Variants in CAPZA1 observed in about 807,000 individuals in gnomAD.
CAPZA1 encodes capping actin protein of muscle Z-line subunit alpha 1.
In CAPZA1, 10 loss-of-function variants were observed where a neutral mutation model predicts 40.8. The observed-to-expected ratio is 0.25, with a 90% CI of 0.15 to 0.42. The LOEUF (loss-of-function observed/expected upper bound fraction) is 0.42. CAPZA1 is among the 10% of genes least tolerant of loss of function. The probability of loss-of-function intolerance (pLI) is 1.00; values close to 1 mark genes in which losing one functional copy is unlikely to be tolerated. For missense variants in CAPZA1, 277 were observed against 353.8 expected (o/e 0.78, Z 1.74); for synonymous variants, 98 against 115.0 (o/e 0.85, Z 0.95).
In CAPZA1 at chr1:112,623,783, C is replaced by T. The variant is rs574415770; in HGVS notation, c.39+3900C>T. 4.2e-3 allele frequency among the ~76,000 whole-genome samples: 629 copies of T among 151,032 alleles called. 3 individuals are homozygous for T. The highest frequency in any genetic ancestry group is 0.015 in the African/African-American group (603 of 41,226). ...CGGGTGGATCACGAGGTCAGGAGAT[C>T]GAGACCTGACCTCAGGAGATCGAGA... On this transcript the variant is annotated intron_variant, in intron 1 of 9. Transcript: ENST00000263168.
At chr1:112,625,818 C>G (rs570494367) in intron 1 of CAPZA1, 3 of 152,208 alleles carry the variant, frequency 2.0e-5, no homozygotes, top group South Asian at 4.1e-4. Flanking sequence ...TTAAGTAAAC[C>G]TCTTTTTAGA....
chr1:112,635,413 C>G (rs898552866), intron 1 of CAPZA1, among the ~76,000 whole-genome samples: 2 of 152,182 alleles, frequency 1.3e-5, no homozygotes, highest in African/African-American at 4.8e-5. Context: ...CTGACCAGGC[C>G]TTTGCTGATA....
At chr1:112,633,074 A>T (rs1250815063) in intron 1 of CAPZA1, among the ~76,000 whole-genome samples, 2 of 152,204 alleles carry the variant, frequency 1.3e-5, no homozygotes, top group Admixed American at 6.5e-5. Context: ...GAATTTTAAG[A>T]AACACAGATA....
intron 1 of CAPZA1, among the ~76,000 whole-genome samples, chr1:112,643,875 C>CTTTTTTTTTTTTTTTTTTTTTGAG (rs1557731528): frequency 6.6e-6 from 1 of 152,044 alleles, no homozygotes; most frequent in African/African-American, 2.4e-5. Flanking sequence ...GAGACAGTCT[C>CTTTTTTTTTTTTTTTTTTTTTGAG]ACTCTGTCGC....
intron 1 of CAPZA1, among the ~76,000 whole-genome samples, chr1:112,640,155 C>G (rs545477553): frequency 3.0e-4 from 37 of 121,630 alleles, no homozygotes; most frequent in South Asian, 2.8e-3. Flanking sequence ...ATCAGCCCCC[C>G]ACCCGGCCAG....
At chr1:112,650,311 G>T (rs1557733867) in intron 3 of CAPZA1, among the ~76,000 whole-genome samples, 1 of 152,152 alleles carries the variant, frequency 6.6e-6, no homozygotes, top group Non-Finnish European at 1.5e-5. Context: ...ACAATAATCT[G>T]CCCTGTCCAT....
chr1:112,624,995 T>C (rs1196733381), intron 1 of CAPZA1, among the ~76,000 whole-genome samples: 5 of 152,214 alleles, frequency 3.3e-5, no homozygotes, highest in Non-Finnish European at 4.4e-5. Context: ...AAGCACACAG[T>C]GTATGCACAG....
intron 1 of CAPZA1, among the ~76,000 whole-genome samples, chr1:112,642,889 G>A (rs539763465): frequency 7.2e-5 from 11 of 152,266 alleles, no homozygotes; most frequent in African/African-American, 2.6e-4. Context: ...TATATAAGTA[G>A]TATGTAAAAT....
chr1:112,648,537 C>T (rs1671327437), intron 2 of CAPZA1, among the ~76,000 whole-genome samples: 1 of 151,330 alleles, frequency 6.6e-6, no homozygotes, highest in African/African-American at 2.4e-5. Flanking sequence ...AGGATGGTCT[C>T]GATCTCTTGA....
At chr1:112,649,593 AT>A in intron 3 of CAPZA1, 124 bp downstream of exon 3, 1 of 785,420 alleles carries the variant, frequency 1.3e-6, no homozygotes, top group Non-Finnish European at 2.1e-6. Context: ...GGTTTTAGCA[AT>A]TTTCGTTGTT....
intron 7 of CAPZA1, among the ~76,000 whole-genome samples, chr1:112,663,711 G>A (rs1213043213): frequency 6.6e-6 from 1 of 151,642 alleles, no homozygotes; most frequent in Admixed American, 6.6e-5. Flanking sequence ...CACCATGTTG[G>A]TCAGGCTGGT....
chr1:112,628,789 A>G (rs1162281708), intron 1 of CAPZA1, among the ~76,000 whole-genome samples: 3 of 152,204 alleles, frequency 2.0e-5, no homozygotes, highest in Non-Finnish European at 4.4e-5. Context: ...TTAGTTGCTC[A>G]GGTCAAAAAC....
intron 1 of CAPZA1, among the ~76,000 whole-genome samples, chr1:112,636,425 G>T (rs1453850934): frequency 6.6e-6 from 1 of 151,986 alleles, no homozygotes; most frequent in Non-Finnish European, 1.5e-5. Flanking sequence ...TTTAGGTTAG[G>T]AACAAAATAT....
At chr1:112,661,391 C>G (rs1332992846) in intron 7 of CAPZA1, among the ~76,000 whole-genome samples, 1 of 152,112 alleles carries the variant, frequency 6.6e-6, no homozygotes, top group South Asian at 2.1e-4. Context: ...AGCCCAATAC[C>G]CACAGCTGTA....
intron 1 of CAPZA1, among the ~76,000 whole-genome samples, chr1:112,641,982 A>T (rs547869324): frequency 2.3e-4 from 22 of 96,440 alleles, no homozygotes; most frequent in African/African-American, 5.4e-4. Context: ...TTTGTTGTTT[A>T]AAAAAAAACC....
At position 112,621,270 on chromosome 1, in the gene CAPZA1, TTACAA is replaced by T. The variant is rs1380172537; in HGVS notation, c.39+1393_39+1397del. 2.0e-5 allele frequency among the ~76,000 whole-genome samples: 3 copies of T among 148,376 alleles called. No individual in the cohort carries two copies. In the Admixed American group the frequency reaches 2.1e-4, roughly 10 times the overall value. On this transcript the variant is annotated intron_variant, in intron 1 of 9. Transcript: ENST00000263168. ...CAAATAAAATTAAGCAAAAATCCTGTTACAATACAACTAAACAATTTTTTTTTTTT... is the reference window on the plus strand; with the variant it reads ...CAAATAAAATTAAGCAAAAATCCTGTTACAACTAAACAATTTTTTTTTTTT...
chr1:112,657,316 C>A (rs1361386787), intron 5 of CAPZA1, among the ~76,000 whole-genome samples: 2 of 152,124 alleles, frequency 1.3e-5, no homozygotes, highest in Non-Finnish European at 2.9e-5. Flanking sequence ...CCCTCTTCTC[C>A]ACTTTTTCCC....
In CAPZA1 at chr1:112,644,070, C is replaced by T. The variant is rs748355249; in HGVS notation, c.40-3140C>T. On this transcript the variant is annotated intron_variant, in intron 1 of 9. Transcript: ENST00000263168. ...ATGTTGGCCAGGTTGGTCTCGAACT[C>T]CTGACCTCAAATGATCCACCTGCCT... Among the ~76,000 whole-genome samples the T allele has an allele frequency of 9.8e-4, 149 of 151,712 alleles. 1 individual carries two copies. The highest frequency in any genetic ancestry group is 2.0e-3 in the Non-Finnish European group (135 of 67,980).
At chr1:112,624,042 A>ATCC (rs937431416) in intron 1 of CAPZA1, among the ~76,000 whole-genome samples, 2 of 151,552 alleles carry the variant, frequency 1.3e-5, no homozygotes, top group Admixed American at 6.6e-5. Flanking sequence ...AGAAAAAGAA[A>ATCC]TCCTAGGACA....
Sources: gnomAD v4.1 joint callset for allele counts (sites outside exome capture counted in the v4.1 genomes callset) on GRCh38, gnomAD v4.1.1 for gene constraint, MANE v1.5 for transcripts, NCBI Gene and HGNC (gene_info 2026-07-23, HGNC 2026-07-21) for gene names.